The following WDR27 variants were observed in gnomAD, a reference collection of about 807,000 sequenced individuals.
WDR27 encodes WD repeat domain 27, also known as WD repeat-containing protein 27.
A neutral mutation model predicts 114.4 loss-of-function variants in WDR27; 100 were observed. That is an observed-to-expected ratio of 0.87 (90% CI 0.74 to 1.03). The LOEUF (loss-of-function observed/expected upper bound fraction) is 1.03. WDR27 is among the 50% of genes least tolerant of loss of function. The probability of loss-of-function intolerance (pLI) is 0.00; values close to 1 mark genes in which losing one functional copy is unlikely to be tolerated. For missense variants in WDR27, 1,129 were observed against 1,092.9 expected, an observed-to-expected ratio of 1.03 and a Z score of -0.47; for synonymous variants, 449 against 423.1, an observed-to-expected ratio of 1.06 and a Z score of -0.75.
In WDR27 at chr6:169,606,758, G is replaced by C. The variant is rs535376350; in HGVS notation, c.2322-4437C>G. On this transcript the variant is annotated intron_variant, in intron 22 of 25. Transcript: ENST00000448612. ...TTCCATGTGTTTGCTATTGTGAATA[G>C]TGCTGCAATGAACATATGCATGCAT... Among the ~76,000 whole-genome samples the C allele has an allele frequency of 3.7e-4, 56 of 152,302 alleles. No homozygotes were observed. The South Asian group carries it at 0.012, about 32-fold the overall frequency.
chr6:169,548,513 C>T (rs1487584436), intron 25 of WDR27, among the ~76,000 whole-genome samples: 1 of 152,116 alleles, frequency 6.6e-6, no homozygotes, highest in African/African-American at 2.4e-5. Context: ...ATTGAAACAT[C>T]ACACTGTATG....
intron 25 of WDR27, among the ~76,000 whole-genome samples, chr6:169,495,942 T>C (rs528087673): frequency 6.6e-6 from 1 of 151,988 alleles, no homozygotes; most frequent in Non-Finnish European, 1.5e-5. Flanking sequence ...TACCCTGATA[T>C]CAAAACCAAA....
chr6:169,512,622 G>A (rs1158820005), intron 25 of WDR27, among the ~76,000 whole-genome samples: 1 of 152,132 alleles, frequency 6.6e-6, no homozygotes, highest in Non-Finnish European at 1.5e-5. Context: ...CCACACATAA[G>A]CTAGATTTTA....
At chr6:169,522,800 T>C (rs1188085697) in intron 25 of WDR27, among the ~76,000 whole-genome samples, 2 of 151,846 alleles carry the variant, frequency 1.3e-5, no homozygotes, top group African/African-American at 2.4e-5. Context: ...TCTATGGATA[T>C]AGCAAAAATA....
intron 1 of WDR27, among the ~76,000 whole-genome samples, chr6:169,692,626 G>A (rs1041997876): frequency 6.6e-6 from 1 of 152,304 alleles, no homozygotes; most frequent in Admixed American, 6.5e-5. Flanking sequence ...TTCACAAACT[G>A]CATGGGAGCT....
chr6:169,625,672 C>T (rs1331823671), intron 21 of WDR27, among the ~76,000 whole-genome samples: 2 of 152,200 alleles, frequency 1.3e-5, no homozygotes, highest in East Asian at 3.9e-4. Context: ...AGTCGGGAAA[C>T]CAGTGTGGAG....
At chr6:169,461,846 C>G (rs962224018) in intron 25 of WDR27, among the ~76,000 whole-genome samples, 1 of 151,528 alleles carries the variant, frequency 6.6e-6, no homozygotes, top group Non-Finnish European at 1.5e-5. Context: ...AAAAGAAAAA[C>G]GAAATTAAGA....
chr6:169,451,026 GAT>G, the WDR27 span, among the ~76,000 whole-genome samples: 1 of 152,160 alleles, frequency 6.6e-6, no homozygotes, highest in African/African-American at 2.4e-5. Context: ...TAGCTACAAA[GAT>G]AAAAACGCTG....
intron 25 of WDR27, among the ~76,000 whole-genome samples, chr6:169,511,371 G>A (rs561698279): frequency 3.3e-5 from 5 of 152,230 alleles, no homozygotes; most frequent in African/African-American, 9.6e-5. Context: ...GTGAAGAGAC[G>A]TTTTCAAACA....
intron 17 of WDR27, 72 bp from the exon 18 acceptor site, chr6:169,638,732 G>T (rs1818362005): frequency 2.6e-6 from 4 of 1,518,342 alleles, no homozygotes; most frequent in Non-Finnish European, 3.6e-6. Flanking sequence ...CTACTTATCT[G>T]GTACTTTCAT....
chr6:169,524,146 C>T (rs536114494), intron 25 of WDR27, among the ~76,000 whole-genome samples: 3 of 151,998 alleles, frequency 2.0e-5, no homozygotes, highest in Non-Finnish European at 2.9e-5. Flanking sequence ...CAACAGCAAA[C>T]AATCTTAAAA....
At chr6:169,486,425 C>T (rs1788906251) in intron 25 of WDR27, among the ~76,000 whole-genome samples, 1 of 152,194 alleles carries the variant, frequency 6.6e-6, no homozygotes, top group Non-Finnish European at 1.5e-5. Flanking sequence ...CTGTGGTTAC[C>T]CAGCCTTGCA....
At chr6:169,591,127 A>G (rs1388236699) in intron 23 of WDR27, among the ~76,000 whole-genome samples, 1 of 152,110 alleles carries the variant, frequency 6.6e-6, no homozygotes, top group Non-Finnish European at 1.5e-5. Flanking sequence ...CTTTCTCCAC[A>G]TCCTCATCAT....
intron 25 of WDR27, among the ~76,000 whole-genome samples, chr6:169,533,095 C>T (rs1381398111): frequency 6.6e-6 from 1 of 152,066 alleles, no homozygotes; most frequent in Non-Finnish European, 1.5e-5. Flanking sequence ...AAGCCTGAGA[C>T]CTGCTCAGAG....
At chr6:169,556,390 C>A (rs1031787005) in intron 25 of WDR27, among the ~76,000 whole-genome samples, 1 of 152,158 alleles carries the variant, frequency 6.6e-6, no homozygotes, top group South Asian at 2.1e-4. Context: ...CCAGCTCCCC[C>A]GAACCCTGAC....
chr6:169,489,016 C>G (rs758881907), intron 25 of WDR27, among the ~76,000 whole-genome samples: 1 of 145,880 alleles, frequency 6.9e-6, no homozygotes, highest in East Asian at 2.0e-4. Flanking sequence ...TCTGTTGATA[C>G]ATAATCATTT....
chr6:169,670,829 ATTCT>A (rs1778539513), intron 3 of WDR27, 136 bp from the exon 4 acceptor site: 32 of 1,244,114 alleles, frequency 2.6e-5, no homozygotes, highest in Non-Finnish European at 3.1e-5. Flanking sequence ...TGTGATTTTG[ATTCT>A]TTAAGAATAT....
rs1819493285 is a variant in WDR27 at position 169,642,547 on chromosome 6, G to A, written c.1747+1150C>T. Among the ~76,000 whole-genome samples the A allele has an allele frequency of 2.6e-5, 4 of 152,166 alleles. No homozygotes were observed. The South Asian group carries it at 6.2e-4, about 24-fold the overall frequency. ...TATGAGGTGGGACCAGGAGCAAGGC[G>A]CTCGAAGGGCAAGGGTGGCATCCAG... is the stretch of plus-strand genomic sequence containing the variant. On this transcript the variant is annotated intron_variant, in intron 17 of 25. Transcript: ENST00000448612.
At chr6:169,541,751 T>A (rs1288111217) in intron 25 of WDR27, among the ~76,000 whole-genome samples, 1 of 152,178 alleles carries the variant, frequency 6.6e-6, no homozygotes. Flanking sequence ...ACTTAATGAA[T>A]TTTATACTCT....
Sources: gnomAD v4.1 joint callset for allele counts (sites outside exome capture counted in the v4.1 genomes callset) on GRCh38, gnomAD v4.1.1 for gene constraint, MANE v1.5 for transcripts, NCBI Gene and HGNC (gene_info 2026-07-23, HGNC 2026-07-21) for gene names.